The following MRTFB variants were observed in gnomAD, a reference collection of about 807,000 sequenced individuals.
The protein encoded by MRTFB is myocardin related transcription factor B, also known as myocardin-related transcription factor B.
A neutral mutation model predicts 104.2 loss-of-function variants in MRTFB; 29 were observed. The observed-to-expected ratio is 0.28, with a 90% CI of 0.21 to 0.38. MRTFB has a LOEUF of 0.38. MRTFB is among the 10% of genes least tolerant of loss of function. The probability of loss-of-function intolerance (pLI) is 1.00; values close to 1 mark genes in which losing one functional copy is unlikely to be tolerated. For synonymous variants in MRTFB, 535 were observed against 519.5 expected (o/e 1.03, Z -0.41); for missense variants, 1,270 against 1,341.6 (o/e 0.95, Z 0.83).
intron 3 of MRTFB, among the ~76,000 whole-genome samples, chr16:14,164,590 A>T (rs190523798): frequency 2.6e-5 from 4 of 152,324 alleles, no homozygotes; most frequent in African/African-American, 9.6e-5. Context: ...TCCCTTTGAT[A>T]GACTAGTTTC....
intron 3 of MRTFB, among the ~76,000 whole-genome samples, chr16:14,183,307 A>G (rs902270521): frequency 6.6e-6 from 1 of 152,196 alleles, no homozygotes; most frequent in African/African-American, 2.4e-5. Flanking sequence ...GCCTGTAATC[A>G]TCAAAATTCA....
intron 3 of MRTFB, among the ~76,000 whole-genome samples, chr16:14,167,341 C>T (rs1411872840): frequency 6.6e-6 from 1 of 151,500 alleles, no homozygotes; most frequent in Non-Finnish European, 1.5e-5. Flanking sequence ...TGTCCTTTGC[C>T]TACTTTTTAA....
intron 2 of MRTFB, among the ~76,000 whole-genome samples, chr16:14,111,752 G>A (rs371151830): frequency 5.3e-5 from 8 of 152,214 alleles, no homozygotes; most frequent in South Asian, 2.1e-4. Context: ...TCCATTCATC[G>A]TTCACTCCCT....
rs548119406 is a variant in MRTFB, at chr16:14,220,482, G to A, written c.693+1484G>A. Among the ~76,000 whole-genome samples, 3 of 152,210 alleles carry A rather than the reference G, an allele frequency of 2.0e-5. No homozygotes were observed. In the East Asian group the frequency reaches 5.8e-4, roughly 29 times the overall value. Reference sequence around the variant, plus strand: ...TTATAATTCTCTTCCTTGTATTGCTGGTACTACTGTGTTTTATTTCCATAC... The same window carrying A: ...TTATAATTCTCTTCCTTGTATTGCTAGTACTACTGTGTTTTATTTCCATAC... On this transcript the variant is annotated intron_variant, in intron 8 of 16. Coordinates refer to ENST00000571589, the MANE Select transcript of MRTFB (RefSeq NM_001308142.2).
At chr16:14,247,690 T>A in intron 12 of MRTFB, 183 bp downstream of exon 12, 1 of 603,202 alleles carries the variant, frequency 1.7e-6, no homozygotes, top group Non-Finnish European at 2.9e-6. Flanking sequence ...TTTTATATAG[T>A]GAAAAAAACA....
At chr16:14,185,446 G>T (rs2039920044) in intron 3 of MRTFB, among the ~76,000 whole-genome samples, 1 of 152,164 alleles carries the variant, frequency 6.6e-6, no homozygotes, top group Admixed American at 6.5e-5. Flanking sequence ...AAATGTGTCT[G>T]TATATTTTCT....
At chr16:14,101,166 G>T (rs72783466) in intron 2 of MRTFB, among the ~76,000 whole-genome samples, 8,493 of 148,360 alleles carry the variant, frequency 0.057, 504 homozygotes, top group East Asian at 0.3. Flanking sequence ...GATTTTAAGG[G>T]TAAAGTGTAG....
chr16:14,235,687 G>A (rs868060187), intron 9 of MRTFB, among the ~76,000 whole-genome samples: 12 of 152,144 alleles, frequency 7.9e-5, no homozygotes, highest in African/African-American at 2.4e-4. Flanking sequence ...TCCTTCACTT[G>A]TGGGGGCTGA....
chr16:14,189,242 C>T lies in MRTFB; in HGVS notation c.155-21001C>T, dbSNP rs138959735. On this transcript the variant is annotated intron_variant, in intron 3 of 16. Transcript: ENST00000571589. Reference sequence around the variant, plus strand: ...AATTTGGAGTCATATAAAAATAACTCGGTTCTCTTTGCAAAATTGAACTCC... The same window carrying T: ...AATTTGGAGTCATATAAAAATAACTTGGTTCTCTTTGCAAAATTGAACTCC... 9.7e-3 allele frequency among the ~76,000 whole-genome samples: 1,480 copies of T among 152,212 alleles called. 24 individuals are homozygous for T. Among genetic ancestry groups the T allele is most frequent in the African/African-American group, 0.034 (1,406 of 41,536 alleles).
intron 13 of MRTFB, among the ~76,000 whole-genome samples, chr16:14,249,860 G>C (rs2043181200): frequency 6.6e-6 from 1 of 152,210 alleles, no homozygotes. Flanking sequence ...TTGTGCCTGT[G>C]ATCTGCCTCA....
the MRTFB span, among the ~76,000 whole-genome samples, chr16:14,003,535 C>T: frequency 1.3e-5 from 2 of 152,208 alleles, no homozygotes; most frequent in Non-Finnish European, 2.9e-5. Context: ...CGTCTCCCAG[C>T]CTGCTCTGCA....
chr16:14,260,353 A>T (rs1004696268), intron 16 of MRTFB, among the ~76,000 whole-genome samples: 2 of 135,638 alleles, frequency 1.5e-5, no homozygotes, highest in African/African-American at 6.6e-5. Context: ...AACTGTAATG[A>T]TAAAAAAAAA....
the MRTFB span, among the ~76,000 whole-genome samples, chr16:14,055,962 C>G: frequency 6.6e-6 from 1 of 151,944 alleles, no homozygotes; most frequent in South Asian, 2.1e-4. Flanking sequence ...CTCATTGCTT[C>G]TACATTTATT....
chr16:14,017,685 GTGTA>G, the MRTFB span, among the ~76,000 whole-genome samples: 1 of 9,584 alleles, frequency 1.0e-4, no homozygotes, highest in African/African-American at 1.7e-4. Flanking sequence ...GTGTGTGTGT[GTGTA>G]TATATATATA....
intron 2 of MRTFB, among the ~76,000 whole-genome samples, chr16:14,088,842 CTG>C (rs2034880753): frequency 6.6e-6 from 1 of 152,200 alleles, no homozygotes; most frequent in Non-Finnish European, 1.5e-5. Context: ...CTTATTAAAT[CTG>C]TGTAATCAAA....
In MRTFB at chr16:14,178,970, C is replaced by T. The variant is rs142195630; in HGVS notation, c.155-31273C>T. Among the ~76,000 whole-genome samples, 1,016 of 152,028 alleles carry T rather than the reference C, an allele frequency of 6.7e-3. 11 individuals carry two copies. Among genetic ancestry groups the T allele is most frequent in the African/African-American group, 0.023 (959 of 41,456 alleles). On this transcript the variant is annotated intron_variant, in intron 3 of 16. Transcript: ENST00000571589. ...GTTGCCCAGGCTGGCCTTGAACTCC[C>T]GAATTCAAGAAATCCACCCACCTTA... is the stretch of plus-strand genomic sequence containing the variant.
intron 10 of MRTFB, among the ~76,000 whole-genome samples, chr16:14,244,234 TTG>T (rs2042916190): frequency 6.6e-6 from 1 of 151,976 alleles, no homozygotes; most frequent in South Asian, 2.1e-4. Context: ...TTCATTTTTG[TTG>T]TTGTTGTTTA....
At chr16:14,033,852 A>AG in the MRTFB span, among the ~76,000 whole-genome samples, 13 of 146,326 alleles carry the variant, frequency 8.9e-5, no homozygotes, top group Admixed American at 1.4e-4. Flanking sequence ...AAAAAAAAAA[A>AG]AAGAAGAAGA....
chr16:14,249,281 C>A (rs1292735784), intron 13 of MRTFB, among the ~76,000 whole-genome samples, 200 bp downstream of exon 13: 2 of 152,222 alleles, frequency 1.3e-5, no homozygotes, highest in Non-Finnish European at 2.9e-5. Context: ...AAGACCTTTT[C>A]ATTACTGAAA....
Sources: gnomAD v4.1 joint callset for allele counts (sites outside exome capture counted in the v4.1 genomes callset) on GRCh38, gnomAD v4.1.1 for gene constraint, MANE v1.5 for transcripts, NCBI Gene and HGNC (gene_info 2026-07-23, HGNC 2026-07-21) for gene names.